Variants in ZNF425 observed in about 807,000 individuals in gnomAD.
ZNF425 encodes zinc finger protein 425.
In ZNF425, 21 loss-of-function variants were observed where a neutral mutation model predicts 17.0. The ratio of observed to expected loss-of-function variants is 1.23; its 90% CI spans 0.88 to 1.78. The LOEUF (loss-of-function observed/expected upper bound fraction) is 1.78, where lower values mean the gene tolerates loss of function less well. ZNF425 is among the 40% of genes most tolerant of loss of function. The pLI, the probability that ZNF425 is intolerant of heterozygous loss-of-function variation, is 0.00. For missense variants in ZNF425, 868 were observed against 967.3 expected, an observed-to-expected ratio of 0.90 and a Z score of 1.36; for synonymous variants, 433 against 384.1, an observed-to-expected ratio of 1.13 and a Z score of -1.49.
intron 2 of ZNF425, chr7:149,113,550 A>AT (rs1175482273): frequency 3.8e-5 from 3 of 79,490 alleles, no homozygotes; most frequent in Non-Finnish European, 5.2e-5. Context: ...CATTCCTACA[A>AT]ATTTTTTTTT....
In ZNF425 at chr7:149,104,539, G is replaced by A. The variant is rs753863007; in HGVS notation, c.1332C>T (p.Cys444=). 3.7e-6 allele frequency: 6 copies of A among 1,610,300 alleles called. No individual in the cohort carries two copies. Among genetic ancestry groups the A allele is most frequent in the South Asian group, 1.1e-5 (1 of 90,646 alleles). ...AGAAGAAGCCCCTGCTGCACTCCGG[G>A]CACTGGAAGGGCCGCTTCCCAATGT... is the stretch of plus-strand genomic sequence containing the variant. The part of the protein sequence containing the change: ...LQHIGKRPFQ[C]PECSRGFFWR... The change falls in exon 4 of 4, where the codon TGC becomes TGT. Residue 444 remains cysteine (C), a synonymous_variant. Transcript: ENST00000378061. The surrounding 1 kb of genome is among the most constrained non-coding windows in gnomAD (Gnocchi z 4.3).
intron 3 of ZNF425, among the ~76,000 whole-genome samples, chr7:149,111,018 C>T (rs1826166394): frequency 6.6e-6 from 1 of 151,774 alleles, no homozygotes; most frequent in Admixed American, 6.6e-5. Context: ...TGGTCTCGAA[C>T]CCCTGACCTC....
At chr7:149,114,931 CTTTT>C (rs35954198) in intron 2 of ZNF425, among the ~76,000 whole-genome samples, 2 of 101,006 alleles carry the variant, frequency 2.0e-5, no homozygotes, top group African/African-American at 4.1e-5. Context: ...TCTTTCTTTT[CTTTT>C]TTTTTTTTTT....
Position 149,112,124 on chromosome 7 carries a change from C to T in ZNF425, c.304+13G>A. The stretch of plus-strand genomic sequence containing the variant: ...AATAAAATAATTCATGATCTTAAAT[C>T]CATCTTACTCACCAAAACATAGCAA... On this transcript the variant is annotated intron_variant, in intron 3 of 3. Transcript: ENST00000378061. 2.5e-6 allele frequency: 4 copies of T among 1,608,892 alleles called. No homozygotes were observed. Among genetic ancestry groups the T allele is most frequent in the Non-Finnish European group, 2.5e-6 (3 of 1,177,566 alleles).
chr7:149,110,806 T>C (rs1237013663), intron 3 of ZNF425, among the ~76,000 whole-genome samples: 1 of 150,492 alleles, frequency 6.6e-6, no homozygotes, highest in African/African-American at 2.4e-5. Context: ...CTTTTTTTTT[T>C]TTTTTTGAGA....
intron 3 of ZNF425, among the ~76,000 whole-genome samples, chr7:149,107,329 A>ATTTT (rs1181063634): frequency 7.2e-6 from 1 of 138,812 alleles, no homozygotes; most frequent in African/African-American, 2.9e-5. Context: ...TTATTTATTT[A>ATTTT]TTTATTTATT....
chr7:149,122,260 T>C (rs1413165482), intron 1 of ZNF425, among the ~76,000 whole-genome samples: 1 of 151,896 alleles, frequency 6.6e-6, no homozygotes, highest in African/African-American at 2.4e-5. Context: ...AATTGGATTT[T>C]TTTTTAACTG....
At chr7:149,123,318 A>T (rs1826391514) in intron 1 of ZNF425, among the ~76,000 whole-genome samples, 1 of 152,214 alleles carries the variant, frequency 6.6e-6, no homozygotes, top group African/African-American at 2.4e-5. Context: ...AGTACTGGAC[A>T]TCTTGAAAGA....
chr7:149,109,481 T>G (rs772676063), intron 3 of ZNF425, among the ~76,000 whole-genome samples: 23 of 152,196 alleles, frequency 1.5e-4, no homozygotes, highest in Non-Finnish European at 2.8e-4. Flanking sequence ...ATCTGCCCAT[T>G]TTTTGCTATT....
intron 1 of ZNF425, among the ~76,000 whole-genome samples, chr7:149,121,605 T>TG (rs1239603653): frequency 6.6e-6 from 1 of 152,132 alleles, no homozygotes; most frequent in East Asian, 1.9e-4. Context: ...TTGGTCAGGC[T>TG]GGTCTTGAAC....
At chr7:149,116,550 A>G (rs904898675) in intron 2 of ZNF425, among the ~76,000 whole-genome samples, 1 of 152,182 alleles carries the variant, frequency 6.6e-6, no homozygotes, top group Non-Finnish European at 1.5e-5. Flanking sequence ...AGAACGGCCA[A>G]CACTCTTGGC....
At chr7:149,126,090 C>T in intron 1 of ZNF425, 106 bp downstream of exon 1, 2 of 1,579,696 alleles carry the variant, frequency 1.3e-6, no homozygotes, top group South Asian at 2.3e-5. Context: ...TGCCAACCCC[C>T]AGGCCCAGGC....
At chr7:149,107,334 TTTATTTATTTA>T (rs1826096234) in intron 3 of ZNF425, among the ~76,000 whole-genome samples, 3 of 138,664 alleles carry the variant, frequency 2.2e-5, no homozygotes, top group African/African-American at 8.6e-5. Flanking sequence ...TATTTATTTA[TTTATTTATTTA>T]TTTTTTTTCT....
At chr7:149,106,907 G>C (rs921110696) in intron 3 of ZNF425, among the ~76,000 whole-genome samples, 1 of 151,990 alleles carries the variant, frequency 6.6e-6, no homozygotes, top group East Asian at 1.9e-4. Flanking sequence ...AGGAGTTGGA[G>C]ACCAGCCTGG....
At chr7:149,110,920 G>A (rs1010471603) in intron 3 of ZNF425, among the ~76,000 whole-genome samples, 4 of 151,288 alleles carry the variant, frequency 2.6e-5, no homozygotes, top group African/African-American at 9.7e-5. Context: ...TCAGCCTCGC[G>A]AGTAGCTGGG....
intron 2 of ZNF425, among the ~76,000 whole-genome samples, chr7:149,112,825 C>A (rs1312241391): frequency 6.6e-6 from 1 of 151,848 alleles, no homozygotes; most frequent in Non-Finnish European, 1.5e-5. Context: ...CGCCACCATG[C>A]CCTGCTAATT....
Position 149,126,231 on chromosome 7 carries a change from C to G in ZNF425, c.-18G>C. 4 of 1,610,300 alleles carry G rather than the reference C, an allele frequency of 2.5e-6. No individual in the cohort carries two copies. Among genetic ancestry groups the G allele is most frequent in the Non-Finnish European group, 3.4e-6 (4 of 1,178,712 alleles). ...TCGGCCATGGCGGTTCCGCACGAACCGGCCCTGCCTGGCACGGCCTCCCCT... is the reference window on the plus strand; with the variant it reads ...TCGGCCATGGCGGTTCCGCACGAACGGGCCCTGCCTGGCACGGCCTCCCCT... On this transcript the variant is annotated 5_prime_UTR_variant, in exon 1 of 4. Coordinates refer to ENST00000378061, the MANE Select transcript of ZNF425 (RefSeq NM_001001661.3).
Position 149,104,329 on chromosome 7 carries a change from C to T in ZNF425, c.1542G>A (p.Thr514=). ...CCGTGGTGTGGACCTTCAGGTGCTG[C>T]GTGAGCCGCGACTGCTGAGAAAAGG... ...KKTFSQQSRL[T]QHLKVHTTEK... The change falls in exon 4 of 4, where the codon ACG becomes ACA. Residue 514 remains threonine, a synonymous_variant. Transcript: ENST00000378061. This position sits in a 1 kb window ranked among gnomAD's most constrained non-coding sequence, Gnocchi z 4.3. The T allele has an allele frequency of 1.9e-6, 3 of 1,613,216 alleles. No homozygotes were observed. Among genetic ancestry groups the T allele is most frequent in the Non-Finnish European group, 2.5e-6 (3 of 1,179,966 alleles).
At chr7:149,111,623 T>TAAAAAAAAAAAAA (rs1390199638) in intron 3 of ZNF425, among the ~76,000 whole-genome samples, 6 of 126,036 alleles carry the variant, frequency 4.8e-5, no homozygotes, top group Non-Finnish European at 8.4e-5. Context: ...AAAAAAAAAT[T>TAAAAAAAAAAAAA]ATATATCTAT....
Sources: gnomAD v4.1 joint callset for allele counts (sites outside exome capture counted in the v4.1 genomes callset) on GRCh38, gnomAD v4.1.1 for gene constraint, Gnocchi (gnomAD v3.1) non-coding constraint, MANE v1.5 for transcripts, NCBI Gene and HGNC (gene_info 2026-07-23, HGNC 2026-07-21) for gene names.